Variants in PDE6B observed in about 807,000 individuals in gnomAD.
The protein encoded by PDE6B is phosphodiesterase 6B, also known as rod cGMP-specific 3',5'-cyclic phosphodiesterase subunit beta.
In PDE6B, 106 loss-of-function variants were observed where a neutral mutation model predicts 109.0. That is an observed-to-expected ratio of 0.97 (90% CI 0.83 to 1.14). The LOEUF is 1.14. Ranked by LOEUF, PDE6B falls within the 50% of genes most tolerant of loss-of-function variation. The probability of loss-of-function intolerance (pLI) is 0.00; values close to 1 mark genes in which losing one functional copy is unlikely to be tolerated. For synonymous variants in PDE6B, 490 were observed against 471.3 expected (o/e 1.04, Z -0.51); for missense variants, 1,193 against 1,155.6 (o/e 1.03, Z -0.47).
rs1247461156 is a variant in PDE6B, at chr4:665,808, C to T, written c.2268+479C>T. 2.0e-5 allele frequency among the ~76,000 whole-genome samples: 3 copies of T among 152,172 alleles called. No individual in the cohort carries two copies. The highest frequency in any genetic ancestry group is 2.1e-4 in the South Asian group (1 of 4,830). On this transcript the variant is annotated intron_variant, in intron 19 of 21. Transcript: ENST00000496514. The surrounding 1 kb of genome is among the most constrained non-coding windows in gnomAD (Gnocchi z 4.0). ...CAAATGGGAGAGTCAGGATAGGCGC[C>T]AGGAACAGGAGAGGCAGGGCTGCCC...
chr4:657,351 T>C lies in PDE6B; in HGVS notation c.1258T>C (p.Ser420Pro). ...FDEQDEVLME[S>P]LTQFLGWSVM... ...CCAGTGACACTGCCATCCCCTCCAG[T>C]CCCTGACACAGTTCCTGGGCTGGTC... Residue 420 changes from serine (S) to proline (P), a missense_variant and splice_region_variant, in exon 10 of 22, where the codon TCC becomes CCC. Physicochemically the swap from Ser to Pro is moderately conservative, Grantham distance 74. Transcript: ENST00000496514. The C allele has an allele frequency of 6.2e-7, 1 of 1,612,888 alleles. No homozygotes were observed. The highest frequency in any genetic ancestry group is 8.5e-7 in the Non-Finnish European group (1 of 1,179,866).
At chr4:667,681 GC>G (rs1190041073) in intron 20 of PDE6B, among the ~76,000 whole-genome samples, 174 bp from the exon 21 acceptor site, 2 of 152,174 alleles carry the variant, frequency 1.3e-5, no homozygotes, top group Admixed American at 6.5e-5. Flanking sequence ...CACCAACACA[GC>G]CCCCGAGGTT....
chr4:668,664 C>T (rs867697574), intron 21 of PDE6B, among the ~76,000 whole-genome samples: 38 of 107,914 alleles, frequency 3.5e-4, no homozygotes, highest in South Asian at 2.7e-3. Context: ...CACTACCCCA[C>T]GCTATTCCCC....
chr4:632,811 T>G (rs1421027220), intron 1 of PDE6B, among the ~76,000 whole-genome samples: 1 of 151,248 alleles, frequency 6.6e-6, no homozygotes, highest in African/African-American at 2.4e-5. Context: ...GAGGGTCACA[T>G]TGTGTGGATC....
chr4:653,197 G>A, intron 3 of PDE6B: 1 of 1,003,884 alleles, frequency 1.0e-6, no homozygotes, highest in Non-Finnish European at 1.2e-6. Flanking sequence ...AGGAGAGGGA[G>A]CTGGCACCAT....
intron 1 of PDE6B, among the ~76,000 whole-genome samples, chr4:630,307 C>G (rs920356347): frequency 6.6e-6 from 1 of 151,994 alleles, no homozygotes; most frequent in Non-Finnish European, 1.5e-5. Context: ...TGCTGGGCCA[C>G]GAGGGGCAGC....
chr4:664,706 CTCGGGAGGCTGAGGCACAAGAA>C (rs1321002622), intron 17 of PDE6B, among the ~76,000 whole-genome samples, 153 bp from the exon 18 acceptor site: 2 of 152,182 alleles, frequency 1.3e-5, no homozygotes, highest in African/African-American at 2.4e-5. Flanking sequence ...ATCCCAGCTA[CTCGGGAGGCTGAGGCACAAGAA>C]TCGGGAGGCG....
chr4:662,305 G>A lies in PDE6B; in HGVS notation c.1722+64G>A. 7.1e-6 allele frequency: 7 copies of A among 979,986 alleles called. No individual in the cohort carries two copies. Among genetic ancestry groups the A allele is most frequent in the Non-Finnish European group, 1.1e-5 (7 of 627,358 alleles). The allele number at this position is 979,986 out of a possible 1,614,324, so 60.7% of individuals were successfully genotyped here. ...TCCTGGTACCAAGGGCAGCACTCAA[G>A]CACCCCGAGGGATGAGATGGGGGTC... is the stretch of plus-strand genomic sequence containing the variant. On this transcript the variant is annotated intron_variant, in intron 13 of 21. Transcript: ENST00000496514. This position sits in a 1 kb window ranked among gnomAD's most constrained non-coding sequence, Gnocchi z 4.3.
intron 8 of PDE6B, among the ~76,000 whole-genome samples, 180 bp downstream of exon 8, chr4:656,472 G>C (rs1736258031): frequency 6.6e-6 from 1 of 152,114 alleles, no homozygotes. Flanking sequence ...CTGGGGCTGT[G>C]ACCACAGCCC....
chr4:657,135 T>G, intron 9 of PDE6B, 112 bp downstream of exon 9: 1 of 1,256,754 alleles, frequency 8.0e-7, no homozygotes, highest in South Asian at 1.2e-5. Flanking sequence ...TGCTCATGTG[T>G]GTGCGGTATG....
At chr4:653,770 T>G in intron 3 of PDE6B, 82 bp from the exon 4 acceptor site, 11 of 1,481,460 alleles carry the variant, frequency 7.4e-6, no homozygotes, top group South Asian at 2.3e-5. Context: ...GTGTCAGGCT[T>G]GAGTTAAACC....
chr4:635,773 C>A, intron 2 of PDE6B, 107 bp from the exon 3 acceptor site: 1 of 728,184 alleles, frequency 1.4e-6, no homozygotes, highest in Non-Finnish European at 2.5e-6. Context: ...AGCTTCCTGG[C>A]GTGTCTGGGC....
At chr4:649,759 G>A (rs1248298250) in intron 3 of PDE6B, among the ~76,000 whole-genome samples, 2 of 152,170 alleles carry the variant, frequency 1.3e-5, no homozygotes, top group Non-Finnish European at 2.9e-5. Flanking sequence ...GTCGGGGGGA[G>A]ACTCTGGCCC....
At position 663,573 on chromosome 4, in the gene PDE6B, G is replaced by A; in HGVS notation, c.1921-197G>A. The A allele has an allele frequency of 1.6e-6, 1 of 626,746 alleles. No homozygotes were observed. Among genetic ancestry groups the A allele is most frequent in the Non-Finnish European group, 2.9e-6 (1 of 350,122 alleles). The allele number at this position is 626,746 out of a possible 1,614,324, so 38.8% of individuals were successfully genotyped here. A position where few individuals can be genotyped will look rare whatever the true frequency, so the allele number is the denominator to read the frequency against. On this transcript the variant is annotated intron_variant, in intron 15 of 21. Transcript: ENST00000496514. This position sits in a 1 kb window ranked among gnomAD's most constrained non-coding sequence, Gnocchi z 4.0. ...TCTGAGGCCATCTGCGTCCCAAGCC[G>A]ACGATGGAGCCGCTGGTGGAGAGCT...
At chr4:627,898 C>G (rs574395586) in intron 1 of PDE6B, among the ~76,000 whole-genome samples, 1 of 151,948 alleles carries the variant, frequency 6.6e-6, no homozygotes, top group African/African-American at 2.4e-5. Context: ...CTCTGCGGGT[C>G]CCCCTCAAAC....
intron 1 of PDE6B, among the ~76,000 whole-genome samples, chr4:632,690 G>T (rs897821758): frequency 6.6e-6 from 1 of 150,940 alleles, no homozygotes; most frequent in Non-Finnish European, 1.5e-5. Flanking sequence ...TCTGTGTGGT[G>T]CTGTCTCAGG....
At position 660,537 on chromosome 4, in the gene PDE6B, A is replaced by C. The variant is rs1307178553; in HGVS notation, c.1538A>C (p.Glu513Ala). 1 of 1,613,820 alleles carries C rather than the reference A, an allele frequency of 6.2e-7. No individual in the cohort carries two copies. The highest frequency in any genetic ancestry group is 1.7e-5 in the Admixed American group (1 of 60,008). The change falls in exon 12 of 22, where the codon GAA becomes GCA. Residue 513 changes from glutamate (E) to alanine (A), a missense_variant. Glu to Ala is a moderately radical substitution (Grantham distance 107). Coordinates refer to ENST00000496514, the MANE Select transcript of PDE6B (RefSeq NM_000283.4). Reference sequence around the variant, plus strand: ...CACTTCTCTGACCTGGAGTGCACCGAACTGGACCTGGTCAAATGTGGCATC... The same window carrying C: ...CACTTCTCTGACCTGGAGTGCACCGCACTGGACCTGGTCAAATGTGGCATC... ...EFHFSDLECTELDLVKCGIQM... is the reference protein window; with the variant it reads ...EFHFSDLECTALDLVKCGIQM...
chr4:640,289 A>G (rs1225833496), intron 3 of PDE6B, among the ~76,000 whole-genome samples: 4 of 152,074 alleles, frequency 2.6e-5, no homozygotes, highest in Admixed American at 2.0e-4. Context: ...TAATCCCAGC[A>G]CTTTGGGAGG....
chr4:635,361 G>A (rs1416803555), intron 2 of PDE6B, among the ~76,000 whole-genome samples: 1 of 128,634 alleles, frequency 7.8e-6, no homozygotes, highest in African/African-American at 3.3e-5. Flanking sequence ...CTGCCTGCCC[G>A]CGTGTTCTGT....
Sources: gnomAD v4.1 joint callset for allele counts (sites outside exome capture counted in the v4.1 genomes callset) on GRCh38, gnomAD v4.1.1 for gene constraint, Gnocchi (gnomAD v3.1) non-coding constraint, MANE v1.5 for transcripts, NCBI Gene and HGNC (gene_info 2026-07-23, HGNC 2026-07-21) for gene names.